IBTK: variants seen among roughly 807,000 people sequenced by gnomAD.
The protein encoded by IBTK is BTK-binding protein.
IBTK carries 83 observed loss-of-function variants against 154.9 expected under a neutral mutation model. The ratio of observed to expected loss-of-function variants is 0.54; its 90% CI spans 0.45 to 0.64. IBTK has a LOEUF of 0.64. Among genes scored for constraint, IBTK ranks in the 30% least tolerant of loss-of-function variants. The probability of loss-of-function intolerance (pLI) is 0.00; values close to 1 mark genes in which losing one functional copy is unlikely to be tolerated. For missense variants in IBTK, 1,332 were observed against 1,584.6 expected, an observed-to-expected ratio of 0.84 and a Z score of 2.71; for synonymous variants, 515 against 536.1, an observed-to-expected ratio of 0.96 and a Z score of 0.54.
At chr6:82,195,808 T>G (rs912997152) in intron 22 of IBTK, among the ~76,000 whole-genome samples, 1 of 152,168 alleles carries the variant, frequency 6.6e-6, no homozygotes, top group Non-Finnish European at 1.5e-5. Context: ...CAGAGCTGAT[T>G]AGGCTAGGAA....
At chr6:82,227,726 A>G (rs1196126209) in intron 4 of IBTK, among the ~76,000 whole-genome samples, 1 of 152,048 alleles carries the variant, frequency 6.6e-6, no homozygotes, top group African/African-American at 2.4e-5. Context: ...AATAATAGAA[A>G]CATCTTCAGA....
chr6:82,186,012 A>G (rs1186612374), intron 25 of IBTK, among the ~76,000 whole-genome samples: 1 of 152,066 alleles, frequency 6.6e-6, no homozygotes, highest in African/African-American at 2.4e-5. Flanking sequence ...CTGGTATTTC[A>G]AACTTTTTCA....
chr6:82,198,605 T>C (rs981110691), intron 21 of IBTK, among the ~76,000 whole-genome samples: 1 of 152,134 alleles, frequency 6.6e-6, no homozygotes, highest in Non-Finnish European at 1.5e-5. Flanking sequence ...AGCTTTTTTT[T>C]CCAAAGGGAC....
intron 21 of IBTK, among the ~76,000 whole-genome samples, chr6:82,197,924 G>A (rs1323917500): frequency 1.3e-5 from 2 of 152,196 alleles, no homozygotes; most frequent in East Asian, 3.9e-4. Flanking sequence ...TCCTTAACAG[G>A]TCTTTTTGGC....
At chr6:82,180,162 CATAATT>C (rs1293186573) in intron 26 of IBTK, among the ~76,000 whole-genome samples, 2 of 152,132 alleles carry the variant, frequency 1.3e-5, no homozygotes, top group Admixed American at 6.6e-5. Flanking sequence ...ATAAGCCTAT[CATAATT>C]ATAATTGTAA....
chr6:82,221,995 T>A (rs1227267340), intron 8 of IBTK, among the ~76,000 whole-genome samples: 2 of 151,860 alleles, frequency 1.3e-5, no homozygotes, highest in Non-Finnish European at 2.9e-5. Flanking sequence ...AGAAACCCCA[T>A]CTCTACTAAA....
At chr6:82,192,128 T>C (rs554735320) in intron 23 of IBTK, among the ~76,000 whole-genome samples, 4 of 152,196 alleles carry the variant, frequency 2.6e-5, no homozygotes, top group African/African-American at 9.6e-5. Flanking sequence ...ACAACTAATA[T>C]GTATCCAAAG....
Position 82,194,535 on chromosome 6 carries a change from A to G in IBTK, c.3282T>C (p.Ile1094=), listed in dbSNP as rs1404632064. 6.2e-7 allele frequency: 1 copy of G among 1,608,734 alleles called. No individual in the cohort carries two copies. Among genetic ancestry groups the G allele is most frequent in the South Asian group, 1.1e-5 (1 of 90,022 alleles). ...PILKISAPQP[I]PSNRIDTTSS... is the part of the protein sequence containing the mutation. ...TGGTAGTATCAATTCTGTTACTGGGAATAGGCTGTGGAGCAGATATTTTAA... is the reference window on the plus strand; with the variant it reads ...TGGTAGTATCAATTCTGTTACTGGGGATAGGCTGTGGAGCAGATATTTTAA... Residue 1094 remains isoleucine (I), a synonymous_variant, in exon 23 of 29, where the codon ATT becomes ATC. Coordinates refer to ENST00000306270, the MANE Select transcript of IBTK (RefSeq NM_015525.4).
rs1291246155 is a variant in IBTK at position 82,201,495 on chromosome 6, ATACAAAATTC to A, written c.2730-23_2730-14del. The A allele has an allele frequency of 1.7e-5, 27 of 1,576,468 alleles. No homozygotes were observed. Among genetic ancestry groups the A allele is most frequent in the Non-Finnish European group, 2.3e-5 (27 of 1,153,250 alleles). On this transcript the variant is annotated splice_polypyrimidine_tract_variant and intron_variant, in intron 18 of 28. Coordinates refer to ENST00000306270, the MANE Select transcript of IBTK (RefSeq NM_015525.4). ...AACATCAAGAGACCTAAAATATAGG[ATACAAAATTC>A]TATCTTAAGATTCAAGTGACTTGAT...
In IBTK at chr6:82,242,722, G is replaced by A. The variant is rs1370111505; in HGVS notation, c.-357-1879C>T. On this transcript the variant is annotated intron_variant, in intron 1 of 28. Coordinates refer to ENST00000306270, the MANE Select transcript of IBTK (RefSeq NM_015525.4). ...AGCACTTTGGGAGGCCGGGGTGGGC[G>A]GACCATGAGGTCAAAAGATCAAGAC... 4.6e-5 allele frequency among the ~76,000 whole-genome samples: 7 copies of A among 151,904 alleles called. No individual in the cohort carries two copies. In the East Asian group the frequency reaches 9.7e-4, roughly 21 times the overall value.
In IBTK at chr6:82,181,859, T is replaced by C. The variant is rs779822933; in HGVS notation, c.3725+20A>G. 2.0e-6 allele frequency: 3 copies of C among 1,510,216 alleles called. No homozygotes were observed. Among genetic ancestry groups the C allele is most frequent in the Admixed American group, 2.3e-5 (1 of 44,340 alleles). 93.6% of individuals were successfully genotyped at this position (1,510,216 alleles called of 1,614,324 possible). ...TATTTTAAGGTAGAAAATGTATTAGTTTTAAGTTTGTTTTATTACCTGACA... is the reference window on the plus strand; with the variant it reads ...TATTTTAAGGTAGAAAATGTATTAGCTTTAAGTTTGTTTTATTACCTGACA... On this transcript the variant is annotated intron_variant, in intron 26 of 28. Transcript: ENST00000306270.
intron 13 of IBTK, 55 bp downstream of exon 13, chr6:82,212,652 A>C (rs1769695462): frequency 8.9e-7 from 1 of 1,125,342 alleles, no homozygotes; most frequent in Non-Finnish European, 1.4e-6. Context: ...ATCTATTTCC[A>C]CACTTAAGTG....
chr6:82,200,600 C>T lies in IBTK; in HGVS notation c.2899G>A (p.Glu967Lys). The T allele has an allele frequency of 1.3e-6, 2 of 1,564,718 alleles. No individual in the cohort carries two copies. The highest frequency in any genetic ancestry group is 2.3e-5 in the East Asian group (1 of 44,384). The change falls in exon 20 of 29, where the codon GAA becomes AAA. Residue 967 changes from glutamate to lysine, a missense_variant. Physicochemically the swap from Glu to Lys is moderately conservative, Grantham distance 56 (BLOSUM62 1). Around this residue, in one of 3 missense-constraint regions of IBTK, gnomAD observed 1,134 missense variants for 1,274.7 expected, o/e 0.89. Coordinates refer to ENST00000306270, the MANE Select transcript of IBTK (RefSeq NM_015525.4). ...DIFLKEEINMEQNHSETMFKK... is the reference protein window; with the variant it reads ...DIFLKEEINMKQNHSETMFKK... The stretch of plus-strand genomic sequence containing the variant: ...AAAACAGCTTACGAATGATTTTGTT[C>T]CATATTTATTTCTTCTTTCAAGAAG...
Position 82,240,341 on chromosome 6 carries a change from T to C in IBTK, c.146A>G (p.Asp49Gly). Residue 49 changes from aspartate (D) to glycine (G), a missense_variant, in exon 2 of 29, where the codon GAT becomes GGT. Transcript: ENST00000306270. ...SHCYNAATIK[D>G]VFGRNALHLV... Reference sequence around the variant, plus strand: ...GTGGAGGGCATTCCTGCCAAAAACATCCTTGATAGTTGCAGCATTGTAACA... The same window carrying C: ...GTGGAGGGCATTCCTGCCAAAAACACCCTTGATAGTTGCAGCATTGTAACA... 6.2e-7 allele frequency: 1 copy of C among 1,614,206 alleles called. No individual in the cohort carries two copies. The highest frequency in any genetic ancestry group is 8.5e-7 in the Non-Finnish European group (1 of 1,180,034).
At chr6:82,190,828 T>C (rs1272705734) in intron 25 of IBTK, among the ~76,000 whole-genome samples, 1 of 152,058 alleles carries the variant, frequency 6.6e-6, no homozygotes, top group Non-Finnish European at 1.5e-5. Flanking sequence ...CACATTTTGA[T>C]GTGTATGATG....
chr6:82,181,976 C>A lies in IBTK; in HGVS notation c.3628G>T (p.Glu1210Ter). The change falls in exon 26 of 29, where the codon GAA (glutamate) becomes TAA (stop). Residue 1210 changes from glutamate (E) to a stop codon, truncating the protein, a stop_gained. Transcript: ENST00000306270. LOFTEE classifies it high-confidence loss of function. ...TGGCTAGTAACAGACTTTTTTTCTT[C>A]TAGTAAGAAATCCCGGAATGACTTG... ...SSKSFRDFLLEEKKSVTSHSS... is the reference protein window; with the variant it reads ...SSKSFRDFLL The A allele has an allele frequency of 6.2e-7, 1 of 1,604,092 alleles. No homozygotes were observed. The highest frequency in any genetic ancestry group is 1.1e-5 in the South Asian group (1 of 88,644).
chr6:82,204,451 A>C (rs1156742379), intron 17 of IBTK, among the ~76,000 whole-genome samples: 1 of 152,146 alleles, frequency 6.6e-6, no homozygotes, highest in Non-Finnish European at 1.5e-5. Flanking sequence ...CTTTGTTCAG[A>C]TATATAATGG....
chr6:82,195,551 C>T (rs1276058671), intron 22 of IBTK, among the ~76,000 whole-genome samples: 1 of 151,858 alleles, frequency 6.6e-6, no homozygotes, highest in East Asian at 1.9e-4. Flanking sequence ...GCACTCCAGC[C>T]TAGGCAACCA....
chr6:82,194,315 G>A (rs1036313614), intron 23 of IBTK, among the ~76,000 whole-genome samples, 164 bp downstream of exon 23: 3 of 152,102 alleles, frequency 2.0e-5, no homozygotes, highest in Non-Finnish European at 2.9e-5. Flanking sequence ...TGGGGGGGAA[G>A]CCTATTATAG....
Sources: gnomAD v4.1 joint callset for allele counts (sites outside exome capture counted in the v4.1 genomes callset) on GRCh38, gnomAD v4.1.1 for gene constraint, gnomAD v4.1.1 regional missense constraint, MANE v1.5 for transcripts, NCBI Gene and HGNC (gene_info 2026-07-23, HGNC 2026-07-21) for gene names.